The following RACGAP1 variants were observed in gnomAD, a reference collection of about 807,000 sequenced individuals.
RACGAP1 encodes the protein Rac GTPase activating protein 1.
Under a neutral mutation model 78.1 loss-of-function variants are expected in RACGAP1, and 30 were observed. The observed-to-expected ratio is 0.38, with a 90% CI of 0.29 to 0.52. RACGAP1 has a LOEUF of 0.52. Among genes scored for constraint, RACGAP1 ranks in the 20% least tolerant of loss-of-function variants. RACGAP1 has a pLI of 0.82. For missense variants in RACGAP1, 587 were observed against 777.1 expected (o/e 0.76, Z 2.91); for synonymous variants, 231 against 264.8 (o/e 0.87, Z 1.24).
intron 2 of RACGAP1, among the ~76,000 whole-genome samples, chr12:50,006,981 C>A (rs1949014725): frequency 6.6e-6 from 1 of 152,198 alleles, no homozygotes; most frequent in African/African-American, 2.4e-5. Context: ...TTTGGGGCAG[C>A]TGTCATGCAC....
chr12:50,012,114 C>T (rs1017738424), intron 2 of RACGAP1, among the ~76,000 whole-genome samples: 5 of 150,102 alleles, frequency 3.3e-5, no homozygotes, highest in African/African-American at 1.2e-4. Context: ...GGCAACAGAG[C>T]GAGACCTTGT....
intron 2 of RACGAP1, 129 bp from the exon 3 acceptor site, chr12:50,006,765 A>G: frequency 1.1e-6 from 1 of 914,668 alleles, no homozygotes; most frequent in Non-Finnish European, 1.6e-6. Flanking sequence ...GGGCAAATCC[A>G]GCTGAAAATA....
chr12:50,015,620 C>T (rs952414057), intron 2 of RACGAP1, among the ~76,000 whole-genome samples: 7 of 151,736 alleles, frequency 4.6e-5, no homozygotes, highest in Admixed American at 2.6e-4. Flanking sequence ...GCTAACACAG[C>T]GAAACCCCGT....
Position 49,990,701 on chromosome 12 carries a change from G to A in RACGAP1, c.1806C>T (p.Leu602=). 2 of 1,612,798 alleles carry A rather than the reference G, an allele frequency of 1.2e-6. No individual in the cohort carries two copies. Among genetic ancestry groups the A allele is most frequent in the South Asian group, 2.2e-5 (2 of 91,026 alleles). ...CTGCATACCTAGGAGTGTTCTTGGT[G>A]AGGGTGGAACGGACTCTCTGTGACA... is the stretch of plus-strand genomic sequence containing the variant. ...SSLSQRVRST[L]TKNTPRFGSK... The change falls in exon 16 of 17, where the codon CTC becomes CTT. Residue 602 remains leucine, a synonymous_variant. Transcript: ENST00000312377.
chr12:49,998,583 A>G (rs1565668468), intron 9 of RACGAP1, among the ~76,000 whole-genome samples: 2 of 152,030 alleles, frequency 1.3e-5, no homozygotes, highest in African/African-American at 4.8e-5. Flanking sequence ...TCAAGAAAAA[A>G]TGTAAACATG....
chr12:50,018,592 G>A (rs1258755025), intron 1 of RACGAP1: 2 of 1,286,402 alleles, frequency 1.6e-6, no homozygotes, highest in Non-Finnish European at 2.0e-6. Context: ...TGGCTCTCCT[G>A]AGGTAAAAAT....
At chr12:49,993,972 G>C (rs1948076948) in intron 12 of RACGAP1, among the ~76,000 whole-genome samples, 159 bp downstream of exon 12, 1 of 152,164 alleles carries the variant, frequency 6.6e-6, no homozygotes, top group African/African-American at 2.4e-5. Flanking sequence ...TTCAACCTGG[G>C]AGACGGAGGT....
chr12:50,017,322 G>T (rs771134004), intron 1 of RACGAP1, among the ~76,000 whole-genome samples: 1 of 152,148 alleles, frequency 6.6e-6, no homozygotes, highest in East Asian at 1.9e-4. Context: ...CAGGAACTAC[G>T]TCTAATAAAT....
intron 1 of RACGAP1, among the ~76,000 whole-genome samples, chr12:50,017,792 A>G (rs1381516708): frequency 2.0e-5 from 3 of 152,234 alleles, no homozygotes; most frequent in Non-Finnish European, 2.9e-5. Flanking sequence ...TGATTTTGCA[A>G]TGTTTACAAG....
At chr12:50,017,052 G>A (rs1949721326) in intron 1 of RACGAP1, 1 of 1,054,372 alleles carries the variant, frequency 9.5e-7, no homozygotes, top group Non-Finnish European at 1.1e-6. Flanking sequence ...TTCAAGTCAA[G>A]CCTATTGATT....
At chr12:50,010,810 T>A (rs572502348) in intron 2 of RACGAP1, among the ~76,000 whole-genome samples, 1 of 151,760 alleles carries the variant, frequency 6.6e-6, no homozygotes, top group African/African-American at 2.4e-5. Flanking sequence ...CACATGCCTG[T>A]AATTCCAGCT....
At chr12:50,015,168 C>G (rs1011687872) in intron 2 of RACGAP1, among the ~76,000 whole-genome samples, 3 of 152,016 alleles carry the variant, frequency 2.0e-5, no homozygotes, top group African/African-American at 7.2e-5. Context: ...GCATGAGCCA[C>G]TATGCCCGAC....
intron 1 of RACGAP1, chr12:50,019,788 C>T (rs1261870222): frequency 1.3e-5 from 2 of 152,092 alleles, no homozygotes; most frequent in African/African-American, 2.4e-5. Context: ...CAGTAAATCA[C>T]TTAAATTCCA....
At chr12:49,998,689 A>G (rs1317921707) in intron 9 of RACGAP1, among the ~76,000 whole-genome samples, 1 of 152,128 alleles carries the variant, frequency 6.6e-6, no homozygotes. Flanking sequence ...ACTTGAGCCC[A>G]GGAGTTCAGG....
At chr12:50,026,336 T>C (rs942618295), upstream of RACGAP1, among the ~76,000 whole-genome samples, 1 of 150,432 alleles carries the variant, frequency 6.6e-6, no homozygotes, top group Non-Finnish European at 1.5e-5. Flanking sequence ...TACTGTCACA[T>C]TGGTCCTTAA....
chr12:50,006,584 C>T lies in RACGAP1; in HGVS notation c.138G>A (p.Arg46=). Residue 46 remains arginine, a synonymous_variant, in exon 3 of 17, where the codon AGG becomes AGA. Transcript: ENST00000312377. ...TGTATTTCCCCAGCTCATGGTCAGT[C>T]CTCTGCCACTTTTTACGGAAATCCT... The part of the protein sequence containing the change: ...DFEDFRKKWQ[R]TDHELGKYKD... 1 of 1,614,160 alleles carries T rather than the reference C, an allele frequency of 6.2e-7. No homozygotes were observed. Among genetic ancestry groups the T allele is most frequent in the Non-Finnish European group, 8.5e-7 (1 of 1,180,012 alleles).
At chr12:50,004,150 G>T in intron 5 of RACGAP1, 85 bp downstream of exon 5, 1 of 1,504,494 alleles carries the variant, frequency 6.6e-7, no homozygotes. Flanking sequence ...AATATAGGAT[G>T]TTCAGAAGAG....
intron 4 of RACGAP1, 94 bp from the exon 5 acceptor site, chr12:50,004,398 T>C: frequency 6.9e-7 from 1 of 1,457,512 alleles, no homozygotes; most frequent in Non-Finnish European, 9.2e-7. Flanking sequence ...TCAGGTAACA[T>C]CAGTTAATTT....
chr12:50,024,841 C>T (rs1174122540), intron 1 of RACGAP1, among the ~76,000 whole-genome samples: 3 of 151,872 alleles, frequency 2.0e-5, no homozygotes, highest in African/African-American at 7.3e-5. Context: ...CCGACACACA[C>T]CTCTCGGCCT....
Sources: gnomAD v4.1 joint callset for allele counts (sites outside exome capture counted in the v4.1 genomes callset) on GRCh38, gnomAD v4.1.1 for gene constraint, MANE v1.5 for transcripts, NCBI Gene and HGNC (gene_info 2026-07-23, HGNC 2026-07-21) for gene names.